Variants in NCMAP observed in about 807,000 individuals in gnomAD.
NCMAP encodes noncompact myelin-associated protein.
In NCMAP, 8 loss-of-function variants were observed where a neutral mutation model predicts 7.8. That is an observed-to-expected ratio of 1.02 (90% CI 0.60 to 1.84). The LOEUF is 1.84. Ranked by LOEUF, NCMAP falls within the 40% of genes most tolerant of loss-of-function variation. The pLI is 0.00. For synonymous variants in NCMAP, 41 were observed against 52.9 expected (o/e 0.78, Z 0.98); for missense variants, 112 against 131.4 (o/e 0.85, Z 0.72).
intron 2 of NCMAP, among the ~76,000 whole-genome samples, chr1:24,597,623 GAAAGAAAGAAAGAAAGAAAGAA>G (rs1557602527): frequency 3.5e-4 from 32 of 91,530 alleles, no homozygotes; most frequent in African/African-American, 1.7e-3. Flanking sequence ...GAAAGAGAAA[GAAAGAAAGAAAGAAAGAAAGAA>G]AGAAAGAAAG....
chr1:24,578,560 CTT>C (rs555342098), intron 1 of NCMAP, among the ~76,000 whole-genome samples: 17,971 of 106,638 alleles, frequency 0.17, 1,193 homozygotes, highest in African/African-American at 0.19. Flanking sequence ...TTCTTTCTTT[CTT>C]TTTTTTTTTT....
intron 1 of NCMAP, among the ~76,000 whole-genome samples, chr1:24,594,840 G>A (rs1183111921): frequency 3.9e-5 from 6 of 152,124 alleles, no homozygotes; most frequent in East Asian, 3.8e-4. Flanking sequence ...GCAGAGAGCC[G>A]TGATTGCACC....
At chr1:24,571,752 ATTTTTGTG>A (rs1339125144) in intron 1 of NCMAP, among the ~76,000 whole-genome samples, 2 of 149,442 alleles carry the variant, frequency 1.3e-5, no homozygotes, top group Non-Finnish European at 2.9e-5. Context: ...CGCCTGGCTA[ATTTTTGTG>A]TTTTTGGTAG....
chr1:24,604,637 T>A (rs1409402986), intron 3 of NCMAP, among the ~76,000 whole-genome samples: 3 of 75,178 alleles, frequency 4.0e-5, no homozygotes, highest in South Asian at 4.6e-4. Context: ...TATATATATA[T>A]ATATATATAT....
chr1:24,605,561 A>AT (rs549645022), intron 3 of NCMAP, 45 bp from the exon 4 acceptor site: 9 of 1,600,874 alleles, frequency 5.6e-6, no homozygotes, highest in Non-Finnish European at 7.7e-6. Context: ...TCCCCGCGGC[A>AT]TACCAGGGGA....
At chr1:24,586,434 G>A (rs1191088971) in intron 1 of NCMAP, among the ~76,000 whole-genome samples, 1 of 152,210 alleles carries the variant, frequency 6.6e-6, no homozygotes, top group East Asian at 1.9e-4. Context: ...TCATGCGACT[G>A]TCACTGCCGC....
rs1652188183 is a variant in NCMAP at position 24,595,417 on chromosome 1, TC to T, written c.-7-6del. 1 of 1,594,798 alleles carries T rather than the reference TC, an allele frequency of 6.3e-7. No homozygotes were observed. On this transcript the variant is annotated splice_polypyrimidine_tract_variant and splice_region_variant and intron_variant, in intron 1 of 3. Transcript: ENST00000374392. ...TTTAAACAAAATATCTTCTTCTTTC[TC>T]ATCAGGATCGAGATGACCACAGCCA...
chr1:24,558,747 C>T (rs760750095), intron 1 of NCMAP, among the ~76,000 whole-genome samples: 1 of 152,132 alleles, frequency 6.6e-6, no homozygotes, highest in Non-Finnish European at 1.5e-5. Context: ...AGGATCTGGA[C>T]GTGATGTTCA....
rs1341845363 is a variant in NCMAP, at chr1:24,606,772, G to A, written c.*1025G>A. The A allele has an allele frequency of 6.6e-6, 1 of 152,156 alleles. No individual in the cohort carries two copies. The highest frequency in any genetic ancestry group is 1.5e-5 in the Non-Finnish European group (1 of 68,048). 9.4% of individuals were successfully genotyped at this position (152,156 alleles called of 1,614,324 possible). A position where few individuals can be genotyped will look rare whatever the true frequency, so the allele number is the denominator to read the frequency against. On this transcript the variant is annotated 3_prime_UTR_variant, in exon 4 of 4. Coordinates refer to ENST00000374392, the MANE Select transcript of NCMAP (RefSeq NM_001010980.5). Reference sequence around the variant, plus strand: ...AAGAGAAAGTATCTGGAATTAAGAAGTCCTACCATCCAAGCCCTACTTCCT... The same window carrying A: ...AAGAGAAAGTATCTGGAATTAAGAAATCCTACCATCCAAGCCCTACTTCCT...
intron 1 of NCMAP, among the ~76,000 whole-genome samples, chr1:24,593,801 A>G (rs1652124072): frequency 6.6e-6 from 1 of 151,970 alleles, no homozygotes; most frequent in African/African-American, 2.4e-5. Context: ...ACTCGGAAAT[A>G]ATGAAGCCAA....
intron 1 of NCMAP, among the ~76,000 whole-genome samples, chr1:24,567,290 G>A (rs1203974276): frequency 1.3e-5 from 2 of 152,126 alleles, no homozygotes; most frequent in Non-Finnish European, 2.9e-5. Context: ...AAAGGAAGCC[G>A]GACCTCCCTA....
intron 3 of NCMAP, among the ~76,000 whole-genome samples, chr1:24,602,441 G>A (rs1406862556): frequency 1.4e-5 from 2 of 146,478 alleles, no homozygotes; most frequent in Admixed American, 6.7e-5. Context: ...GCAGTGGTGG[G>A]CGCCTGTAGT....
intron 1 of NCMAP, among the ~76,000 whole-genome samples, chr1:24,558,515 C>T (rs1650967966): frequency 6.6e-6 from 1 of 152,218 alleles, no homozygotes; most frequent in African/African-American, 2.4e-5. Flanking sequence ...CTCCTGCCAT[C>T]ATCAATGCCT....
chr1:24,599,204 C>T (rs906019858), intron 2 of NCMAP, among the ~76,000 whole-genome samples: 4 of 145,838 alleles, frequency 2.7e-5, no homozygotes, highest in Non-Finnish European at 4.5e-5. Flanking sequence ...CGATTGAACC[C>T]GGGAGGCAGA....
intron 1 of NCMAP, among the ~76,000 whole-genome samples, chr1:24,587,816 A>G (rs1651935045): frequency 6.6e-6 from 1 of 152,058 alleles, no homozygotes. Context: ...CCCCACCAGA[A>G]AAGTGCTCTT....
At chr1:24,584,956 G>A (rs1271550413) in intron 1 of NCMAP, among the ~76,000 whole-genome samples, 1 of 143,522 alleles carries the variant, frequency 7.0e-6, no homozygotes, top group Non-Finnish European at 1.5e-5. Context: ...AGGACTGTGT[G>A]CCCAGTGAGT....
At chr1:24,559,168 C>T (rs888447168) in intron 1 of NCMAP, among the ~76,000 whole-genome samples, 1 of 152,190 alleles carries the variant, frequency 6.6e-6, no homozygotes, top group Middle Eastern at 3.2e-3. Context: ...CCTCTGAAGT[C>T]AGCCCGGAAG....
intron 1 of NCMAP, among the ~76,000 whole-genome samples, chr1:24,594,379 G>A (rs1652148920): frequency 6.6e-6 from 1 of 152,134 alleles, no homozygotes. Context: ...CACTCAGAGA[G>A]TGTTTGAGTC....
intron 1 of NCMAP, among the ~76,000 whole-genome samples, chr1:24,578,711 T>A (rs1178362951): frequency 6.6e-6 from 1 of 151,758 alleles, no homozygotes; most frequent in South Asian, 2.1e-4. Context: ...TACAGGCACA[T>A]GCTACCATGC....
Sources: gnomAD v4.1 joint callset for allele counts (sites outside exome capture counted in the v4.1 genomes callset) on GRCh38, gnomAD v4.1.1 for gene constraint, MANE v1.5 for transcripts, NCBI Gene and HGNC (gene_info 2026-07-23, HGNC 2026-07-21) for gene names.